GALNT13: variants seen among roughly 807,000 people sequenced by gnomAD.
The protein encoded by GALNT13 is UDP-GalNAc:polypeptide N-acetylgalactosaminyltransferase 13.
Under a neutral mutation model 64.2 loss-of-function variants are expected in GALNT13, and 28 were observed. The observed-to-expected ratio is 0.44, with a 90% CI of 0.32 to 0.60. The LOEUF is 0.60. Among genes scored for constraint, GALNT13 ranks in the 20% least tolerant of loss-of-function variants. The probability of loss-of-function intolerance (pLI) is 0.05; values close to 1 mark genes in which losing one functional copy is unlikely to be tolerated. For synonymous variants in GALNT13, 214 were observed against 224.6 expected (o/e 0.95, Z 0.42); for missense variants, 577 against 669.8 (o/e 0.86, Z 1.53).
At chr2:153,478,989 G>A in the GALNT13 span, among the ~76,000 whole-genome samples, 1 of 152,378 alleles carries the variant, frequency 6.6e-6, no homozygotes, top group Admixed American at 6.5e-5. Context: ...ACCTGGTCTT[G>A]CTTTTTATTG....
the GALNT13 span, among the ~76,000 whole-genome samples, chr2:153,580,784 A>T: frequency 6.6e-6 from 1 of 152,208 alleles, no homozygotes; most frequent in African/African-American, 2.4e-5. Flanking sequence ...TGTAATGTCT[A>T]AAGTGAAATG....
At chr2:154,168,672 TTAAAAA>T (rs1685175443) in intron 4 of GALNT13, among the ~76,000 whole-genome samples, 2 of 119,018 alleles carry the variant, frequency 1.7e-5, no homozygotes, top group African/African-American at 7.6e-5. Context: ...ATCTCTACTA[TTAAAAA>T]AAAAAAAAAA....
chr2:153,197,425 A>G, the GALNT13 span, among the ~76,000 whole-genome samples: 3 of 152,200 alleles, frequency 2.0e-5, no homozygotes, highest in Non-Finnish European at 2.9e-5. Context: ...AAGATATGCT[A>G]TATCAATGGC....
chr2:153,626,790 A>T, the GALNT13 span, among the ~76,000 whole-genome samples: 1 of 152,114 alleles, frequency 6.6e-6, no homozygotes, highest in Admixed American at 6.6e-5. Flanking sequence ...AATGTGAAAT[A>T]GAGACTCTAT....
chr2:153,587,691 C>T, the GALNT13 span, among the ~76,000 whole-genome samples: 1 of 152,196 alleles, frequency 6.6e-6, no homozygotes, highest in African/African-American at 2.4e-5. Context: ...GGTAGGGACA[C>T]AGCCAAACCA....
the GALNT13 span, among the ~76,000 whole-genome samples, chr2:153,690,964 C>G: frequency 6.6e-6 from 1 of 152,104 alleles, no homozygotes; most frequent in Non-Finnish European, 1.5e-5. Flanking sequence ...AGCTCTCAGT[C>G]AAATGTCCAC....
chr2:153,082,964 G>T, the GALNT13 span, among the ~76,000 whole-genome samples: 1 of 151,540 alleles, frequency 6.6e-6, no homozygotes, highest in Non-Finnish European at 1.5e-5. Context: ...AAGTGTCTGG[G>T]ATTACAGGTG....
At chr2:153,606,206 T>A in the GALNT13 span, among the ~76,000 whole-genome samples, 27 of 152,242 alleles carry the variant, frequency 1.8e-4, no homozygotes, top group African/African-American at 6.5e-4. Flanking sequence ...TGTATGTATG[T>A]ATGTATATAT....
At chr2:153,739,844 T>C in the GALNT13 span, among the ~76,000 whole-genome samples, 1 of 151,520 alleles carries the variant, frequency 6.6e-6, no homozygotes, top group Admixed American at 6.6e-5. Flanking sequence ...GGATAATATA[T>C]CAGGTTTTGG....
chr2:153,726,384 A>G, the GALNT13 span, among the ~76,000 whole-genome samples: 75 of 152,150 alleles, frequency 4.9e-4, 1 homozygote, highest in Non-Finnish European at 5.6e-4. Flanking sequence ...CCTTAGGTTA[A>G]TGTTTCTTTA....
chr2:153,931,586 TTC>T (rs1491133869), intron 2 of GALNT13, among the ~76,000 whole-genome samples: 3 of 152,128 alleles, frequency 2.0e-5, no homozygotes, highest in Admixed American at 2.0e-4. Flanking sequence ...TGAAAACTTT[TTC>T]TGTGTCTATC....
At chr2:153,418,142 A>T in the GALNT13 span, among the ~76,000 whole-genome samples, 7 of 152,170 alleles carry the variant, frequency 4.6e-5, no homozygotes, top group Non-Finnish European at 1.0e-4. Flanking sequence ...CATAAGAGGG[A>T]GGCAGGAGGA....
the GALNT13 span, among the ~76,000 whole-genome samples, chr2:153,801,475 G>T: frequency 1.3e-5 from 2 of 152,186 alleles, no homozygotes; most frequent in African/African-American, 4.8e-5. Flanking sequence ...CAGAGAATAG[G>T]GAGGCCTGAG....
At chr2:153,959,110 C>T (rs1487027722) in intron 3 of GALNT13, among the ~76,000 whole-genome samples, 2 of 152,234 alleles carry the variant, frequency 1.3e-5, no homozygotes, top group Non-Finnish European at 2.9e-5. Context: ...GACCAATATT[C>T]CCCTAGGGGG....
At chr2:154,156,744 C>T (rs886265637) in intron 4 of GALNT13, among the ~76,000 whole-genome samples, 2 of 152,082 alleles carry the variant, frequency 1.3e-5, no homozygotes, top group Non-Finnish European at 2.9e-5. Context: ...TAGAGAGTTA[C>T]ATTACTAGGA....
chr2:153,985,751 T>C (rs1410898262), intron 3 of GALNT13, among the ~76,000 whole-genome samples: 1 of 152,002 alleles, frequency 6.6e-6, no homozygotes, highest in Non-Finnish European at 1.5e-5. Context: ...TGAAAACATG[T>C]CCTGACTGAA....
At chr2:153,974,594 A>C (rs1432190188) in intron 3 of GALNT13, among the ~76,000 whole-genome samples, 1 of 152,042 alleles carries the variant, frequency 6.6e-6, no homozygotes, top group East Asian at 1.9e-4. Flanking sequence ...CAAATAACCT[A>C]TAGAGTAGGC....
rs140721996 is a variant in GALNT13, at chr2:154,126,830, C to T, written c.143-13507C>T. 5.1e-3 allele frequency among the ~76,000 whole-genome samples: 772 copies of T among 151,818 alleles called. 11 individuals are homozygous for T. Among genetic ancestry groups the T allele is most frequent in the Non-Finnish European group, 5.4e-3 (365 of 67,922 alleles). On this transcript the variant is annotated intron_variant, in intron 3 of 12. Coordinates refer to ENST00000392825, the MANE Select transcript of GALNT13 (RefSeq NM_052917.4). ...ATGGAGGTTGACTTTTTTTTATTCA[C>T]TTGGGGGTCTCCCATATGGGAGTGC...
intron 4 of GALNT13, among the ~76,000 whole-genome samples, chr2:154,232,829 T>A (rs1463813072): frequency 6.6e-6 from 1 of 151,180 alleles, no homozygotes; most frequent in Non-Finnish European, 1.5e-5. Context: ...GCTCAGGAGT[T>A]TGAGACAAGC....
Sources: gnomAD v4.1 joint callset for allele counts (sites outside exome capture counted in the v4.1 genomes callset) on GRCh38, gnomAD v4.1.1 for gene constraint, MANE v1.5 for transcripts, NCBI Gene and HGNC (gene_info 2026-07-23, HGNC 2026-07-21) for gene names.